TMCC2: variants seen among roughly 807,000 people sequenced by gnomAD.
TMCC2 encodes the protein transmembrane and coiled-coil domain family 2, also known as transmembrane and coiled-coil domains protein 2.
Under a neutral mutation model 49.4 loss-of-function variants are expected in TMCC2, and 16 were observed. That is an observed-to-expected ratio of 0.32 (90% CI 0.22 to 0.49). The LOEUF is 0.49. TMCC2 is among the 20% of genes least tolerant of loss of function. The probability of loss-of-function intolerance (pLI) is 0.99; values close to 1 mark genes in which losing one functional copy is unlikely to be tolerated. For synonymous variants in TMCC2, 397 were observed against 434.1 expected, an observed-to-expected ratio of 0.91 and a Z score of 1.06; for missense variants, 762 against 989.8, an observed-to-expected ratio of 0.77 and a Z score of 3.09.
intron 1 of TMCC2, among the ~76,000 whole-genome samples, chr1:205,239,646 T>G (rs529347468): frequency 6.6e-6 from 1 of 152,188 alleles, no homozygotes; most frequent in African/African-American, 2.4e-5. Flanking sequence ...GATACAAATC[T>G]CCTTTGAAAT....
At position 205,272,256 on chromosome 1, in the gene TMCC2, C is replaced by T. The variant is rs570381051; in HGVS notation, c.*132C>T. On this transcript the variant is annotated 3_prime_UTR_variant, in exon 5 of 5. Coordinates refer to ENST00000358024, the MANE Select transcript of TMCC2 (RefSeq NM_014858.4). Reference sequence around the variant, plus strand: ...CTGTCCATTCCAGCAGCTCCTGCCCCCTTCTCTGTACTTGCTTCTGTCTGA... The same window carrying T: ...CTGTCCATTCCAGCAGCTCCTGCCCTCTTCTCTGTACTTGCTTCTGTCTGA... 2 of 1,442,566 alleles carry T rather than the reference C, an allele frequency of 1.4e-6. No homozygotes were observed. Among genetic ancestry groups the T allele is most frequent in the Admixed American group, 2.5e-5 (1 of 40,086 alleles). 89.4% of individuals were successfully genotyped at this position (1,442,566 alleles called of 1,614,324 possible).
At chr1:205,250,125 A>C (rs1574847156) in intron 2 of TMCC2, among the ~76,000 whole-genome samples, 1 of 152,324 alleles carries the variant, frequency 6.6e-6, no homozygotes, top group East Asian at 1.9e-4. Flanking sequence ...CTCTGACACC[A>C]GAGATCATAA....
intron 2 of TMCC2, among the ~76,000 whole-genome samples, chr1:205,267,237 G>GC (rs1046757565): frequency 9.2e-5 from 14 of 152,222 alleles, no homozygotes; most frequent in African/African-American, 3.4e-4. Flanking sequence ...CCACAGAGGA[G>GC]CCGCCCTCCC....
At chr1:205,230,354 T>C (rs1452807442) in intron 1 of TMCC2, among the ~76,000 whole-genome samples, 1 of 152,180 alleles carries the variant, frequency 6.6e-6, no homozygotes, top group African/African-American at 2.4e-5. Flanking sequence ...GTCTAGAGGA[T>C]CTCTGTGGGA....
At chr1:205,259,770 T>C (rs796963764) in intron 2 of TMCC2, among the ~76,000 whole-genome samples, 90 of 152,302 alleles carry the variant, frequency 5.9e-4, no homozygotes, top group African/African-American at 2.1e-3. Context: ...CCTTATAATC[T>C]GGCAGAGAGC....
At chr1:205,244,583 T>C (rs897755411) in intron 2 of TMCC2, among the ~76,000 whole-genome samples, 2 of 152,104 alleles carry the variant, frequency 1.3e-5, no homozygotes, top group Non-Finnish European at 2.9e-5. Context: ...TAGAGGCTGG[T>C]AATTTGTGCT....
chr1:205,244,134 G>T (rs906763818), intron 2 of TMCC2, among the ~76,000 whole-genome samples: 1 of 152,220 alleles, frequency 6.6e-6, no homozygotes, highest in Admixed American at 6.5e-5. Flanking sequence ...TTAAGGAGAG[G>T]GTGGAAGTGA....
intron 2 of TMCC2, among the ~76,000 whole-genome samples, chr1:205,260,458 A>G (rs1224734628): frequency 6.6e-6 from 1 of 152,198 alleles, no homozygotes; most frequent in Non-Finnish European, 1.5e-5. Flanking sequence ...TGTGTTAGGA[A>G]GAGCTGCTAC....
chr1:205,265,805 C>T lies in TMCC2; in HGVS notation c.748-3145C>T, dbSNP rs536784555. ...CGAACCCCTGACCTCATGATCCACC[C>T]GCCTCAGCCTCCCAAAGTGCTGGGA... On this transcript the variant is annotated intron_variant, in intron 2 of 4. Transcript: ENST00000358024. 1.2e-3 allele frequency among the ~76,000 whole-genome samples: 185 copies of T among 151,382 alleles called. 1 individual carries two copies. The highest frequency in any genetic ancestry group is 4.2e-3 in the African/African-American group (175 of 41,424).
Position 205,241,976 on chromosome 1 carries a change from G to A in TMCC2, c.679G>A (p.Ala227Thr). ...CCGCTCTTCCTCCACCACCGACACT[G>A]CTCTGCTGCTGGCCGACGGCAGCAA... is the stretch of plus-strand genomic sequence containing the variant. ...RPRSSSTTDT[A>T]LLLADGSNVY... Residue 227 changes from alanine to threonine, a missense_variant, in exon 2 of 5, where the codon GCT becomes ACT. Physicochemically the swap from Ala to Thr is moderately conservative, Grantham distance 58. Transcript: ENST00000358024. The surrounding 1 kb of genome is among the most constrained non-coding windows in gnomAD (Gnocchi z 7.3). 6.2e-7 allele frequency: 1 copy of A among 1,610,990 alleles called. No homozygotes were observed.
chr1:205,247,570 G>T (rs1012575103), intron 2 of TMCC2, among the ~76,000 whole-genome samples: 1 of 152,164 alleles, frequency 6.6e-6, no homozygotes, highest in Non-Finnish European at 1.5e-5. Context: ...GGTAAACCCT[G>T]CTCTGTCAGC....
rs778132546 is a variant in TMCC2, at chr1:205,271,115, G to A, written c.1683-5G>A. ...GACTGGTGTCACTCTCTCTCCCTCC[G>A]CCAGGTACGAGCGGCTGGAGGAGCA... On this transcript the variant is annotated splice_region_variant and splice_polypyrimidine_tract_variant and intron_variant, in intron 3 of 4. Coordinates refer to ENST00000358024, the MANE Select transcript of TMCC2 (RefSeq NM_014858.4). 1.1e-5 allele frequency: 17 copies of A among 1,612,252 alleles called. No homozygotes were observed. The highest frequency in any genetic ancestry group is 1.4e-5 in the Non-Finnish European group (17 of 1,179,924).
In TMCC2 at chr1:205,236,161, G is replaced by A. The variant is rs1043442565; in HGVS notation, c.208-5344G>A. ...AGGTTAACTGAGTGATGTCCACCAG[G>A]GAAAACAAATCTGGCTGTAAGGACA... On this transcript the variant is annotated intron_variant, in intron 1 of 4. Coordinates refer to ENST00000358024, the MANE Select transcript of TMCC2 (RefSeq NM_014858.4). Among the ~76,000 whole-genome samples the A allele has an allele frequency of 5.9e-5, 9 of 152,146 alleles. No homozygotes were observed. The South Asian group carries it at 1.9e-3, about 32-fold the overall frequency.
intron 4 of TMCC2, 123 bp downstream of exon 4, chr1:205,271,378 T>C (rs1457186847): frequency 6.0e-6 from 9 of 1,508,272 alleles, no homozygotes; most frequent in Non-Finnish European, 8.2e-6. Flanking sequence ...CCGGGGCCGA[T>C]AGGCACATGG....
In TMCC2 at chr1:205,268,977, A is replaced by C; in HGVS notation, c.775A>C (p.Ser259Arg). 1.9e-6 allele frequency: 3 copies of C among 1,612,788 alleles called. No individual in the cohort carries two copies. The highest frequency in any genetic ancestry group is 2.5e-6 in the Non-Finnish European group (3 of 1,179,740). ...KVDKGDLVAL[S>R]LPAGHGDTDG... Reference sequence around the variant, plus strand: ...CGATAAGGGAGACCTGGTGGCCCTGAGCCTCCCCGCCGGCCATGGTGACAC... The same window carrying C: ...CGATAAGGGAGACCTGGTGGCCCTGCGCCTCCCCGCCGGCCATGGTGACAC... Residue 259 changes from serine to arginine, a missense_variant, in exon 3 of 5, where the codon AGC becomes CGC. By Grantham distance (110) the Ser-to-Arg change is moderately radical. Coordinates refer to ENST00000358024, the MANE Select transcript of TMCC2 (RefSeq NM_014858.4).
At position 205,241,491 on chromosome 1, in the gene TMCC2, C is replaced by T; in HGVS notation, c.208-14C>T. ...CTTTCCACTCACCAGGGTTCTTCAT[C>T]TCTCCCCCTTAAGAAAATCCAGCAG... On this transcript the variant is annotated splice_polypyrimidine_tract_variant and intron_variant, in intron 1 of 4. Transcript: ENST00000358024. This position sits in a 1 kb window ranked among gnomAD's most constrained non-coding sequence, Gnocchi z 7.3. 1.2e-6 allele frequency: 2 copies of T among 1,612,286 alleles called. No individual in the cohort carries two copies. The highest frequency in any genetic ancestry group is 1.7e-6 in the Non-Finnish European group (2 of 1,179,312).
chr1:205,229,157 G>GTT (rs1433810249), intron 1 of TMCC2: 1 of 28,316 alleles, frequency 3.5e-5, no homozygotes, highest in African/African-American at 2.1e-4. Context: ...GGATCTTTGT[G>GTT]TGTGTGTGTG....
chr1:205,253,602 C>G (rs914103508), intron 2 of TMCC2, among the ~76,000 whole-genome samples: 1 of 152,242 alleles, frequency 6.6e-6, no homozygotes, highest in African/African-American at 2.4e-5. Context: ...ATGTCCAAGA[C>G]TGACCAAGAA....
intron 2 of TMCC2, among the ~76,000 whole-genome samples, chr1:205,266,950 G>A (rs1263772416): frequency 1.3e-5 from 2 of 152,268 alleles, no homozygotes; most frequent in African/African-American, 4.8e-5. Flanking sequence ...GGAAGAAGCA[G>A]CCTAATTGCA....
Sources: gnomAD v4.1 joint callset for allele counts (sites outside exome capture counted in the v4.1 genomes callset) on GRCh38, gnomAD v4.1.1 for gene constraint, Gnocchi (gnomAD v3.1) non-coding constraint, MANE v1.5 for transcripts, NCBI Gene and HGNC (gene_info 2026-07-23, HGNC 2026-07-21) for gene names.